The following NXPE2 variants were observed in gnomAD, a reference collection of about 807,000 sequenced individuals.
NXPE2 encodes NXPE family member 2.
Under a neutral mutation model 34.4 loss-of-function variants are expected in NXPE2, and 34 were observed. The ratio of observed to expected loss-of-function variants is 0.99; its 90% confidence interval spans 0.75 to 1.31. NXPE2 has a LOEUF of 1.31. Among genes scored for constraint, NXPE2 ranks in the 40% most tolerant of loss-of-function variants. NXPE2 has a pLI of 0.00. For missense variants in NXPE2, 649 were observed against 672.5 expected, an observed-to-expected ratio of 0.97 and a Z score of 0.39; for synonymous variants, 235 against 231.3, an observed-to-expected ratio of 1.02 and a Z score of -0.15.
chr11:114,636,220 A>AT, the NXPE2 span, among the ~76,000 whole-genome samples: 4 of 151,698 alleles, frequency 2.6e-5, no homozygotes, highest in Non-Finnish European at 5.9e-5. Flanking sequence ...GAATTTATCC[A>AT]TTTTTTCTAG....
the NXPE2 span, among the ~76,000 whole-genome samples, chr11:114,804,969 A>AGGG: frequency 3.3e-4 from 50 of 152,252 alleles, no homozygotes; most frequent in African/African-American, 1.2e-3. Context: ...TGAAACTCCC[A>AGGG]GGGGATGTTT....
chr11:114,770,028 T>A, the NXPE2 span, among the ~76,000 whole-genome samples: 1 of 152,204 alleles, frequency 6.6e-6, no homozygotes. Context: ...CAACTACTTT[T>A]CTGTGGAAAG....
the NXPE2 span, among the ~76,000 whole-genome samples, chr11:114,605,484 C>G: frequency 1.9e-4 from 29 of 151,530 alleles, no homozygotes; most frequent in Non-Finnish European, 2.6e-4. Context: ...CCACAGTTAC[C>G]CGGTGGATAA....
the NXPE2 span, among the ~76,000 whole-genome samples, chr11:114,792,208 C>T: frequency 1.3e-5 from 2 of 152,290 alleles, no homozygotes; most frequent in Non-Finnish European, 2.9e-5. Context: ...CTCAGAGCCC[C>T]GTTCCACCAG....
the NXPE2 span, among the ~76,000 whole-genome samples, chr11:114,613,084 T>C: frequency 2.0e-5 from 3 of 151,816 alleles, 1 homozygote; most frequent in Admixed American, 1.3e-4. Flanking sequence ...ACCCGGTGGA[T>C]AATAAGCATT....
chr11:114,572,410 T>A, the NXPE2 span, among the ~76,000 whole-genome samples: 1 of 152,156 alleles, frequency 6.6e-6, no homozygotes, highest in African/African-American at 2.4e-5. Context: ...AGGTTGATTA[T>A]TAAGCTAATC....
At chr11:114,573,145 G>A in the NXPE2 span, among the ~76,000 whole-genome samples, 3 of 151,862 alleles carry the variant, frequency 2.0e-5, no homozygotes, top group Admixed American at 6.6e-5. Flanking sequence ...TAGTCTTTTC[G>A]AGACAAATGC....
chr11:114,665,026 A>T, the NXPE2 span, among the ~76,000 whole-genome samples: 1 of 152,188 alleles, frequency 6.6e-6, no homozygotes, highest in Non-Finnish European at 1.5e-5. Context: ...GTTTAATGGA[A>T]CATAACCCCA....
At chr11:114,637,449 T>G in the NXPE2 span, among the ~76,000 whole-genome samples, 1 of 151,954 alleles carries the variant, frequency 6.6e-6, no homozygotes, top group African/African-American at 2.4e-5. Flanking sequence ...AATTGGAGCA[T>G]TTAGTCCATT....
the NXPE2 span, among the ~76,000 whole-genome samples, chr11:114,811,852 G>A: frequency 6.6e-6 from 1 of 152,154 alleles, no homozygotes; most frequent in Admixed American, 6.5e-5. Flanking sequence ...ATGACCTTGG[G>A]AAAGCCACTG....
chr11:114,552,362 A>G, the NXPE2 span, among the ~76,000 whole-genome samples: 1 of 152,114 alleles, frequency 6.6e-6, no homozygotes, highest in Non-Finnish European at 1.5e-5. Flanking sequence ...GCAATAGATT[A>G]TTTACTTTTT....
the NXPE2 span, among the ~76,000 whole-genome samples, chr11:114,470,240 G>T: frequency 6.6e-6 from 1 of 152,090 alleles, no homozygotes. Flanking sequence ...TATATGGTGA[G>T]TATGAGTTTA....
At chr11:114,523,979 G>C in the NXPE2 span, among the ~76,000 whole-genome samples, 4 of 152,244 alleles carry the variant, frequency 2.6e-5, no homozygotes, top group Non-Finnish European at 5.9e-5. Flanking sequence ...AACAGGCCTG[G>C]AGTGAGAAGG....
At chr11:114,783,736 C>T in the NXPE2 span, among the ~76,000 whole-genome samples, 1 of 152,106 alleles carries the variant, frequency 6.6e-6, no homozygotes, top group Non-Finnish European at 1.5e-5. Context: ...ATCTTAGGCA[C>T]TGTGGTGTTG....
chr11:114,644,825 T>TA, the NXPE2 span, among the ~76,000 whole-genome samples: 1,711 of 144,988 alleles, frequency 0.012, 24 homozygotes, highest in African/African-American at 0.036. Context: ...GATATCAATT[T>TA]AAAAAAAAAA....
At chr11:114,692,037 A>G (rs1008349719) in intron 2 of NXPE2, among the ~76,000 whole-genome samples, 1 of 152,088 alleles carries the variant, frequency 6.6e-6, no homozygotes, top group Non-Finnish European at 1.5e-5. Flanking sequence ...AAAAAGACTA[A>G]TTCCAGTGCC....
the NXPE2 span, among the ~76,000 whole-genome samples, chr11:114,610,530 C>T: frequency 0.048 from 7,351 of 151,606 alleles, 597 homozygotes; most frequent in African/African-American, 0.17. Flanking sequence ...CACTGTTACC[C>T]GGTGGATAAT....
At chr11:114,553,871 A>T in the NXPE2 span, 2 of 967,582 alleles carry the variant, frequency 2.1e-6, no homozygotes, top group Non-Finnish European at 2.5e-6. Context: ...GAAATAGGCC[A>T]TGATGGGTAC....
chr11:114,553,919 A>G, the NXPE2 span: 9 of 985,118 alleles, frequency 9.1e-6, no homozygotes, highest in East Asian at 1.0e-3. Context: ...TATAAACAGG[A>G]TTTTTGTTTT....
Sources: gnomAD v4.1 joint callset for allele counts (sites outside exome capture counted in the v4.1 genomes callset) on GRCh38, gnomAD v4.1.1 for gene constraint, MANE v1.5 for transcripts, NCBI Gene and HGNC (gene_info 2026-07-23, HGNC 2026-07-21) for gene names.